SND1: variants seen among roughly 807,000 people sequenced by gnomAD.
SND1 encodes the protein staphylococcal nuclease and tudor domain containing 1, also known as staphylococcal nuclease domain-containing protein 1.
SND1 carries 38 observed loss-of-function variants against 121.7 expected under a neutral mutation model. The ratio of observed to expected loss-of-function variants is 0.31; its 90% CI spans 0.24 to 0.41. The LOEUF (loss-of-function observed/expected upper bound fraction) is 0.41. Ranked by LOEUF, SND1 falls within the 10% of genes least tolerant of loss-of-function variation. SND1 has a pLI of 1.00. For missense variants in SND1, 868 were observed against 1,184.6 expected (o/e 0.73, Z 3.92); for synonymous variants, 401 against 447.4 (o/e 0.90, Z 1.31).
rs546318974 is a variant in SND1 at position 127,956,760 on chromosome 7, G to A, written c.1669+27431G>A. Among the ~76,000 whole-genome samples, 15 of 152,300 alleles carry A rather than the reference G, an allele frequency of 9.8e-5. 1 individual carries two copies. The South Asian group carries it at 3.1e-3, about 32-fold the overall frequency. ...ATGATACGTGTTTACACATCTGCACGTGTGCATGTGTGCATAATTTTTTGC... is the reference window on the plus strand; with the variant it reads ...ATGATACGTGTTTACACATCTGCACATGTGCATGTGTGCATAATTTTTTGC... On this transcript the variant is annotated intron_variant, in intron 15 of 23. Coordinates refer to ENST00000354725, the MANE Select transcript of SND1 (RefSeq NM_014390.4).
intron 14 of SND1, among the ~76,000 whole-genome samples, chr7:127,925,890 C>G (rs1051445473): frequency 6.6e-6 from 1 of 151,492 alleles, no homozygotes. Context: ...CCATCGCGCC[C>G]GGCCAGGTCT....
intron 14 of SND1, among the ~76,000 whole-genome samples, chr7:127,908,331 T>C (rs1800387255): frequency 3.4e-5 from 5 of 145,820 alleles, no homozygotes; most frequent in Admixed American, 3.4e-4. Context: ...TGTGTGTGTG[T>C]GTGTGTGTGT....
intron 16 of SND1, chr7:128,031,976 G>A (rs530047069): frequency 2.6e-5 from 4 of 151,452 alleles, no homozygotes; most frequent in African/African-American, 9.7e-5. Flanking sequence ...GGCTAGCGGC[G>A]GCAGCAGCAG....
intron 16 of SND1, among the ~76,000 whole-genome samples, chr7:128,047,646 C>T (rs907335722): frequency 2.6e-5 from 4 of 152,274 alleles, no homozygotes; most frequent in African/African-American, 4.8e-5. Context: ...GACAGATTAG[C>T]GGCAAACTAA....
At chr7:127,665,805 TA>T (rs1795406374) in intron 1 of SND1, among the ~76,000 whole-genome samples, 2 of 152,148 alleles carry the variant, frequency 1.3e-5, no homozygotes, top group African/African-American at 4.8e-5. Context: ...ACAAGGACAT[TA>T]AAAAAAATTT....
chr7:128,083,138 G>A (rs1056919886), intron 18 of SND1, among the ~76,000 whole-genome samples: 1 of 152,172 alleles, frequency 6.6e-6, no homozygotes, highest in African/African-American at 2.4e-5. Flanking sequence ...CTCTCACCCT[G>A]TCTCCCTTCT....
intron 16 of SND1, chr7:128,031,541 G>C (rs1210746390): frequency 6.6e-6 from 1 of 151,250 alleles, no homozygotes; most frequent in Admixed American, 6.6e-5. Context: ...GAGGGTGGAA[G>C]AGACAAAAAC....
intron 10 of SND1, among the ~76,000 whole-genome samples, chr7:127,763,356 A>AT (rs1563004527): frequency 1.3e-5 from 2 of 151,762 alleles, no homozygotes; most frequent in East Asian, 1.9e-4. Context: ...AGTCAAATTA[A>AT]TTTTTTTTGA....
At chr7:128,004,036 TTC>T (rs930015235) in intron 16 of SND1, among the ~76,000 whole-genome samples, 1 of 150,506 alleles carries the variant, frequency 6.6e-6, no homozygotes, top group Non-Finnish European at 1.5e-5. Flanking sequence ...GTAACTTACT[TTC>T]TTTTTTTTTT....
At chr7:127,732,872 G>C (rs998474633) in intron 10 of SND1, among the ~76,000 whole-genome samples, 3 of 152,152 alleles carry the variant, frequency 2.0e-5, no homozygotes, top group African/African-American at 7.2e-5. Flanking sequence ...TCATGGTATG[G>C]CACAGTGTTC....
intron 15 of SND1, among the ~76,000 whole-genome samples, chr7:127,932,783 C>T (rs1350471870): frequency 6.6e-6 from 1 of 152,140 alleles, no homozygotes; most frequent in African/African-American, 2.4e-5. Flanking sequence ...GCACTGAAGG[C>T]TCAGATGATC....
intron 13 of SND1, among the ~76,000 whole-genome samples, chr7:127,895,321 T>C (rs1800097024): frequency 6.6e-6 from 1 of 152,100 alleles, no homozygotes; most frequent in African/African-American, 2.4e-5. Context: ...TACTGTTGGA[T>C]TTTTAGCTCA....
At chr7:127,804,742 T>TAA (rs147212512) in intron 10 of SND1, among the ~76,000 whole-genome samples, 67 of 147,362 alleles carry the variant, frequency 4.5e-4, no homozygotes, top group East Asian at 3.4e-3. Flanking sequence ...CCCATATCTT[T>TAA]AAAAAAAAAA....
chr7:127,907,067 A>C (rs1219386894), intron 14 of SND1, among the ~76,000 whole-genome samples: 1 of 152,224 alleles, frequency 6.6e-6, no homozygotes, highest in African/African-American at 2.4e-5. Context: ...GTCACCACAT[A>C]AATAAAAGAG....
chr7:127,836,899 A>G (rs1386970164), intron 11 of SND1, among the ~76,000 whole-genome samples: 2 of 152,048 alleles, frequency 1.3e-5, no homozygotes, highest in Non-Finnish European at 2.9e-5. Flanking sequence ...AAACTACTGA[A>G]TAGAATATAT....
At chr7:127,865,483 C>T (rs1260428389) in intron 12 of SND1, among the ~76,000 whole-genome samples, 2 of 152,162 alleles carry the variant, frequency 1.3e-5, no homozygotes, top group Non-Finnish European at 2.9e-5. Context: ...TTTGTAAGTG[C>T]CATACCTTAT....
intron 12 of SND1, among the ~76,000 whole-genome samples, chr7:127,882,898 A>ATT (rs1799820106): frequency 6.6e-6 from 1 of 152,198 alleles, no homozygotes; most frequent in East Asian, 1.9e-4. Context: ...TGAATGGATA[A>ATT]TTCACAATCG....
chr7:128,089,431 C>A, intron 21 of SND1, 58 bp from the exon 22 acceptor site: 1 of 1,508,498 alleles, frequency 6.6e-7, no homozygotes, highest in Non-Finnish European at 9.1e-7. Flanking sequence ...TGGACAGGAG[C>A]TGGGGCCCAA....
At chr7:127,858,061 G>C (rs1713841563) in intron 12 of SND1, 2 of 1,179,766 alleles carry the variant, frequency 1.7e-6, no homozygotes, top group South Asian at 1.2e-5. Context: ...TGGCAACTCT[G>C]CTTCTCCTCT....
Sources: allele counts gnomAD v4.1 joint callset (sites outside exome capture counted in the v4.1 genomes callset), GRCh38; gene constraint gnomAD v4.1.1; transcripts MANE v1.5; gene names NCBI Gene and HGNC (gene_info 2026-07-23, HGNC 2026-07-21).